LIPC: variants seen among roughly 807,000 people sequenced by gnomAD.
LIPC encodes the protein hepatic triacylglycerol lipase.
Under a neutral mutation model 50.7 loss-of-function variants are expected in LIPC, and 44 were observed. The ratio of observed to expected loss-of-function variants is 0.87; its 90% CI spans 0.68 to 1.11. The LOEUF (loss-of-function observed/expected upper bound fraction) is 1.11, where lower values mean the gene tolerates loss of function less well. LIPC is among the 50% of genes most tolerant of loss of function. The probability of loss-of-function intolerance (pLI) is 0.00; values close to 1 mark genes in which losing one functional copy is unlikely to be tolerated. For missense variants in LIPC, 697 were observed against 648.2 expected, an observed-to-expected ratio of 1.08 and a Z score of -0.82; for synonymous variants, 271 against 256.4, an observed-to-expected ratio of 1.06 and a Z score of -0.54.
intron 1 of LIPC, among the ~76,000 whole-genome samples, chr15:58,476,936 T>C (rs970040887): frequency 3.3e-5 from 5 of 152,344 alleles, no homozygotes; most frequent in East Asian, 1.9e-4. Flanking sequence ...TCCTGCTCTC[T>C]GACAACAATC....
chr15:58,447,690 A>G (rs535608699), intron 1 of LIPC, among the ~76,000 whole-genome samples: 2 of 152,340 alleles, frequency 1.3e-5, no homozygotes, highest in Non-Finnish European at 1.5e-5. Context: ...GGAGAGCTTG[A>G]TACAATGAAT....
intron 1 of LIPC, among the ~76,000 whole-genome samples, chr15:58,470,836 C>T (rs937707329): frequency 6.6e-6 from 1 of 152,110 alleles, no homozygotes; most frequent in Non-Finnish European, 1.5e-5. Flanking sequence ...CTCCTGACCT[C>T]GTGATCCGCC....
chr15:58,439,056 G>A (rs1893412936), intron 1 of LIPC, among the ~76,000 whole-genome samples: 1 of 152,214 alleles, frequency 6.6e-6, no homozygotes, highest in East Asian at 1.9e-4. Flanking sequence ...TTCTGGCACG[G>A]CTCTCCAGTG....
chr15:58,463,215 G>A (rs1418032603), intron 1 of LIPC, among the ~76,000 whole-genome samples: 5 of 152,226 alleles, frequency 3.3e-5, no homozygotes, highest in Admixed American at 6.5e-5. Context: ...CCATGGACAT[G>A]GAGGTGGGAG....
intron 1 of LIPC, among the ~76,000 whole-genome samples, chr15:58,496,836 C>A (rs2414587): frequency 0.43 from 65,666 of 151,212 alleles, 14,356 homozygotes; most frequent in South Asian, 0.51. Context: ...AGGTCTGCGC[C>A]ACTGCACCCG....
chr15:58,533,967 A>C (rs2034613), intron 1 of LIPC, among the ~76,000 whole-genome samples: 150,393 of 152,296 alleles, frequency 0.99, 74,287 homozygotes, highest in Middle Eastern at 1. Flanking sequence ...GGCTAAGGAC[A>C]TACAGTAGGC....
At chr15:58,550,216 G>T (rs750108882) in intron 6 of LIPC, among the ~76,000 whole-genome samples, 25 of 152,140 alleles carry the variant, frequency 1.6e-4, no homozygotes, top group Non-Finnish European at 3.2e-4. Context: ...GATAAGAGGG[G>T]TATGGAAGAG....
At chr15:58,531,994 G>A (rs1018255655) in intron 1 of LIPC, among the ~76,000 whole-genome samples, 3 of 152,108 alleles carry the variant, frequency 2.0e-5, no homozygotes, top group Non-Finnish European at 2.9e-5. Flanking sequence ...ATTGAGGTTC[G>A]ACATTATAGT....
intron 1 of LIPC, among the ~76,000 whole-genome samples, chr15:58,461,549 C>T (rs922443341): frequency 1.3e-5 from 2 of 152,014 alleles, no homozygotes; most frequent in African/African-American, 4.8e-5. Context: ...GCTGGGATTA[C>T]TGGTGTGCAC....
intron 1 of LIPC, among the ~76,000 whole-genome samples, chr15:58,509,471 G>GAAGCA (rs1892265792): frequency 6.6e-6 from 1 of 152,200 alleles, no homozygotes; most frequent in East Asian, 1.9e-4. Flanking sequence ...TTTGCAAAAT[G>GAAGCA]AAGCAAAGCT....
chr15:58,515,698 C>A (rs1892464928), intron 1 of LIPC, among the ~76,000 whole-genome samples: 1 of 151,758 alleles, frequency 6.6e-6, no homozygotes, highest in Admixed American at 6.6e-5. Flanking sequence ...ATAATGAGGG[C>A]CTGAATTAGA....
At chr15:58,478,944 C>T (rs1891093748) in intron 1 of LIPC, among the ~76,000 whole-genome samples, 1 of 152,220 alleles carries the variant, frequency 6.6e-6, no homozygotes, top group African/African-American at 2.4e-5. Context: ...TAAGCACCAA[C>T]CGTGTGGTCC....
chr15:58,544,920 G>A (rs746946399), intron 4 of LIPC, among the ~76,000 whole-genome samples: 4 of 152,182 alleles, frequency 2.6e-5, no homozygotes, highest in Non-Finnish European at 5.9e-5. Flanking sequence ...CTTACTTCAT[G>A]CACAGACATC....
At chr15:58,548,716 A>G in intron 6 of LIPC, 144 bp downstream of exon 6, 1 of 1,155,378 alleles carries the variant, frequency 8.7e-7, no homozygotes, top group Non-Finnish European at 1.2e-6. Context: ...TCCAGACAGC[A>G]ACGTTGACAC....
chr15:58,548,950 C>A (rs1893646857), intron 6 of LIPC, among the ~76,000 whole-genome samples: 1 of 152,236 alleles, frequency 6.6e-6, no homozygotes, highest in South Asian at 2.1e-4. Context: ...CCAGTTCTTT[C>A]ATCTCTGTTC....
At chr15:58,556,573 A>G (rs560575998) in intron 6 of LIPC, among the ~76,000 whole-genome samples, 1 of 152,256 alleles carries the variant, frequency 6.6e-6, no homozygotes, top group East Asian at 1.9e-4. Context: ...GAATTCCCCT[A>G]CTTCTATGCA....
At chr15:58,537,824 G>T (rs758034023) in intron 1 of LIPC, among the ~76,000 whole-genome samples, 56 of 152,076 alleles carry the variant, frequency 3.7e-4, no homozygotes, top group African/African-American at 1.3e-3. Context: ...TCCCTGCAAG[G>T]CTTACCTGAT....
intron 1 of LIPC, among the ~76,000 whole-genome samples, chr15:58,505,314 T>A (rs561492378): frequency 1.3e-5 from 2 of 152,362 alleles, no homozygotes; most frequent in Admixed American, 6.5e-5. Flanking sequence ...CTCAGGCAAG[T>A]GGGATAATCC....
At chr15:58,541,340 A>T (rs1300899410) in intron 2 of LIPC, among the ~76,000 whole-genome samples, 2 of 152,008 alleles carry the variant, frequency 1.3e-5, no homozygotes, top group African/African-American at 4.8e-5. Flanking sequence ...TTTAGGGGTG[A>T]GGTGGGGCAG....
Sources: allele counts gnomAD v4.1 joint callset (sites outside exome capture counted in the v4.1 genomes callset), GRCh38; gene constraint gnomAD v4.1.1; transcripts MANE v1.5; gene names NCBI Gene and HGNC (gene_info 2026-07-23, HGNC 2026-07-21).